UTP4: variants seen among roughly 807,000 people sequenced by gnomAD.
UTP4 encodes the protein UTP4 small subunit processome component.
UTP4 carries 45 observed loss-of-function variants against 82.4 expected under a neutral mutation model. That is an observed-to-expected ratio of 0.55 (90% CI 0.43 to 0.70). The LOEUF (loss-of-function observed/expected upper bound fraction) is 0.70. Ranked by LOEUF, UTP4 falls within the 30% of genes least tolerant of loss-of-function variation. The pLI, the probability that UTP4 is intolerant of heterozygous loss-of-function variation, is 0.00. For synonymous variants in UTP4, 348 were observed against 300.3 expected (o/e 1.16, Z -1.64); for missense variants, 819 against 858.3 (o/e 0.95, Z 0.57).
At position 69,139,823 on chromosome 16, in the gene UTP4, A is replaced by G. The variant is rs1248015573; in HGVS notation, c.437-2A>G. ...TTCTTTTTTTGTTGTCCAACTCCCA[A>G]GGTCGCATCCTGAGTCTCAGCTGGC... On this transcript the variant is annotated splice_acceptor_variant, in intron 4 of 16. Transcript: ENST00000314423. LOFTEE classifies it high-confidence loss of function. 1.9e-6 allele frequency: 3 copies of G among 1,611,414 alleles called. No homozygotes were observed. The highest frequency in any genetic ancestry group is 2.5e-6 in the Non-Finnish European group (3 of 1,177,694).
intron 13 of UTP4, among the ~76,000 whole-genome samples, chr16:69,160,785 A>G (rs1297133152): frequency 1.3e-5 from 2 of 151,852 alleles, no homozygotes; most frequent in Non-Finnish European, 2.9e-5. Context: ...TAATAGAGAC[A>G]GGGTTTCACC....
At chr16:69,152,549 A>C (rs1469803633) in intron 8 of UTP4, among the ~76,000 whole-genome samples, 1 of 145,802 alleles carries the variant, frequency 6.9e-6, no homozygotes, top group Non-Finnish European at 1.5e-5. Flanking sequence ...GGCTCACTGC[A>C]ACCTCAGTCT....
Position 69,135,792 on chromosome 16 carries a change from A to C in UTP4, c.160-904A>C, listed in dbSNP as rs944600195. On this transcript the variant is annotated intron_variant, in intron 2 of 16. Transcript: ENST00000314423. ...TGTAATCCCAGCAGTTTGGGAGGCC[A>C]AGGTGGGCAGATCACCTGAGGTCGG... Among the ~76,000 whole-genome samples the C allele has an allele frequency of 2.0e-5, 3 of 152,144 alleles. No homozygotes were observed. The East Asian group carries it at 5.8e-4, about 29-fold the overall frequency.
At position 69,145,840 on chromosome 16, in the gene UTP4, C is replaced by T. The variant is rs138198925; in HGVS notation, c.738+2451C>T. Among the ~76,000 whole-genome samples the T allele has an allele frequency of 5.0e-3, 754 of 152,044 alleles. 2 individuals carry two copies. The highest frequency in any genetic ancestry group is 0.018 in the African/African-American group (733 of 41,480). On this transcript the variant is annotated intron_variant, in intron 6 of 16. Transcript: ENST00000314423. Reference sequence around the variant, plus strand: ...AGCACAGGCTTTGGAGCCAGATGGCCGTGTTTGTCATGGCTTTAAACCCTT... The same window carrying T: ...AGCACAGGCTTTGGAGCCAGATGGCTGTGTTTGTCATGGCTTTAAACCCTT...
chr16:69,147,890 C>G (rs1222998646), intron 6 of UTP4, among the ~76,000 whole-genome samples: 1 of 151,182 alleles, frequency 6.6e-6, no homozygotes, highest in South Asian at 2.1e-4. Flanking sequence ...CTTTTTTTTT[C>G]TTTTTAGCTG....
intron 15 of UTP4, 69 bp from the exon 16 acceptor site, chr16:69,167,006 C>G (rs902333325): frequency 6.7e-6 from 7 of 1,043,776 alleles, no homozygotes; most frequent in Admixed American, 3.4e-5. Flanking sequence ...TCAAAATGCA[C>G]TACAGATCTT....
intron 13 of UTP4, among the ~76,000 whole-genome samples, chr16:69,160,858 A>C (rs1963546972): frequency 6.6e-6 from 1 of 151,790 alleles, no homozygotes; most frequent in African/African-American, 2.4e-5. Flanking sequence ...GGCCTCCCAA[A>C]GTGCTAGGAT....
rs1963199349 is a variant in UTP4 at position 69,149,302 on chromosome 16, C to T, written c.739-1235C>T. On this transcript the variant is annotated intron_variant, in intron 6 of 16. Coordinates refer to ENST00000314423, the MANE Select transcript of UTP4 (RefSeq NM_032830.3). ...GGCTGAGGCAGAAGAATGGCTTGAA[C>T]CAAGGAGGCAGGGGTTGTGGTGAGC... Among the ~76,000 whole-genome samples, 2 of 152,118 alleles carry T rather than the reference C, an allele frequency of 1.3e-5. 1 individual carries two copies. The highest frequency in any genetic ancestry group is 4.1e-4 in the South Asian group (2 of 4,832).
chr16:69,150,732 T>G, intron 7 of UTP4, 24 bp downstream of exon 7: 1 of 1,613,958 alleles, frequency 6.2e-7, no homozygotes, highest in Non-Finnish European at 8.5e-7. Context: ...CTGGTGAGGC[T>G]GCTGCTTTAC....
rs1488259238 is a variant in UTP4 at position 69,150,639 on chromosome 16, A to C, written c.841A>C (p.Lys281Gln). 5.6e-6 allele frequency: 9 copies of C among 1,614,092 alleles called. No individual in the cohort carries two copies. The Middle Eastern group carries it at 4.9e-4, about 88-fold the overall frequency. ...NSSEKQWVRT[K>Q]PFQHHTHDVR... ...CAGTGAGAAGCAGTGGGTGCGGACAAAACCGTTCCAGCATCACACTCATGA... is the reference window on the plus strand; with the variant it reads ...CAGTGAGAAGCAGTGGGTGCGGACACAACCGTTCCAGCATCACACTCATGA... The change falls in exon 7 of 17, where the codon AAA becomes CAA. Residue 281 changes from lysine to glutamine, a missense_variant. Coordinates refer to ENST00000314423, the MANE Select transcript of UTP4 (RefSeq NM_032830.3).
At chr16:69,162,587 C>T (rs1963591056) in intron 13 of UTP4, among the ~76,000 whole-genome samples, 1 of 151,980 alleles carries the variant, frequency 6.6e-6, no homozygotes, top group South Asian at 2.1e-4. Flanking sequence ...TGGTGGGTGC[C>T]TGTAATCCCA....
chr16:69,141,910 C>T (rs547958332), intron 5 of UTP4, among the ~76,000 whole-genome samples: 167 of 151,658 alleles, frequency 1.1e-3, no homozygotes, highest in Non-Finnish European at 2.1e-3. Context: ...CATATGTATA[C>T]ATGTGCCATG....
rs150960322 is a variant in UTP4, at chr16:69,150,874, T to A, written c.972T>A (p.Asp324Glu). 6.2e-7 allele frequency: 1 copy of A among 1,614,108 alleles called. No individual in the cohort carries two copies. Among genetic ancestry groups the A allele is most frequent in the Non-Finnish European group, 8.5e-7 (1 of 1,180,016 alleles). ...LMEKVEVKNY[D>E]AALRKITFPH... is the part of the protein sequence containing the mutation. ...AGAAGGTGGAAGTAAAGAATTACGA[T>A]GCCGCTCTCCGAAAAATCACCTTTC... Residue 324 changes from aspartate to glutamate, a missense_variant, in exon 8 of 17, where the codon GAT becomes GAA. By Grantham distance (45) the Asp-to-Glu change is conservative. Coordinates refer to ENST00000314423, the MANE Select transcript of UTP4 (RefSeq NM_032830.3).
At chr16:69,148,000 C>T (rs1963164012) in intron 6 of UTP4, among the ~76,000 whole-genome samples, 1 of 152,124 alleles carries the variant, frequency 6.6e-6, no homozygotes, top group South Asian at 2.1e-4. Flanking sequence ...GTCGCCTAGG[C>T]TGGAGTGCAG....
intron 13 of UTP4, 136 bp downstream of exon 13, chr16:69,160,598 C>CT (rs369908672): frequency 0.16 from 91,745 of 561,480 alleles, 1,084 homozygotes; most frequent in Non-Finnish European, 0.18. Context: ...CTTTTCTTTT[C>CT]TTTTTTTTTT....
At position 69,165,385 on chromosome 16, in the gene UTP4, C is replaced by T; in HGVS notation, c.1692C>T (p.Ser564=). ...SIPDKQYTDW[S]RTVQKQGFHH... is the part of the protein sequence containing the mutation. The stretch of plus-strand genomic sequence containing the variant: ...CAGACAAACAGTATACAGATTGGAG[C>T]CGGACTGTCCAGAAGCAGGGCTTTC... Residue 564 remains serine (S), a synonymous_variant, in exon 15 of 17, where the codon AGC becomes AGT. Transcript: ENST00000314423. 1 of 1,614,064 alleles carries T rather than the reference C, an allele frequency of 6.2e-7. No individual in the cohort carries two copies. The highest frequency in any genetic ancestry group is 8.5e-7 in the Non-Finnish European group (1 of 1,179,998).
intron 4 of UTP4, among the ~76,000 whole-genome samples, chr16:69,139,409 C>T (rs1251334983): frequency 6.6e-6 from 1 of 151,484 alleles, no homozygotes; most frequent in East Asian, 1.9e-4. Flanking sequence ...GAGGCTGAGG[C>T]GGGTGGATCA....
At chr16:69,141,467 G>C (rs1390636286) in intron 5 of UTP4, among the ~76,000 whole-genome samples, 1 of 152,160 alleles carries the variant, frequency 6.6e-6, no homozygotes, top group African/African-American at 2.4e-5. Context: ...TTATCCCTTT[G>C]TGTAGGACCT....
chr16:69,163,925 G>A (rs547355739), intron 14 of UTP4, among the ~76,000 whole-genome samples: 25 of 137,998 alleles, frequency 1.8e-4, no homozygotes, highest in African/African-American at 3.4e-4. Flanking sequence ...TCGCTCTGTC[G>A]CCCAGGCTGG....
Sources: allele counts gnomAD v4.1 joint callset (sites outside exome capture counted in the v4.1 genomes callset), GRCh38; gene constraint gnomAD v4.1.1; transcripts MANE v1.5; gene names NCBI Gene and HGNC (gene_info 2026-07-23, HGNC 2026-07-21).